Variants in ERBB4 observed in about 807,000 individuals in gnomAD.
The protein encoded by ERBB4 is erb-b2 receptor tyrosine kinase 4, also known as receptor tyrosine-protein kinase erbB-4.
ERBB4 carries 42 observed loss-of-function variants against 158.0 expected under a neutral mutation model. The ratio of observed to expected loss-of-function variants is 0.27; its 90% CI spans 0.21 to 0.34. The LOEUF is 0.34. Among genes scored for constraint, ERBB4 ranks in the 10% least tolerant of loss-of-function variants. The pLI, the probability that ERBB4 is intolerant of heterozygous loss-of-function variation, is 1.00. For synonymous variants in ERBB4, 583 were observed against 558.7 expected, an observed-to-expected ratio of 1.04 and a Z score of -0.61; for missense variants, 1,333 against 1,624.1, an observed-to-expected ratio of 0.82 and a Z score of 3.08.
Position 212,473,835 on chromosome 2 carries a change from T to C in ERBB4, c.82+64614A>G, listed in dbSNP as rs147222508. On this transcript the variant is annotated intron_variant, in intron 1 of 27. Transcript: ENST00000342788. ...ATGGTAAAGTTTTGAATTAACCAAA[T>C]AGCATCCATCAAAATCTATGCAGAG... 1.2e-4 allele frequency among the ~76,000 whole-genome samples: 19 copies of C among 152,218 alleles called. No homozygotes were observed. In the South Asian group the frequency reaches 3.9e-3, roughly 32 times the overall value.
chr2:211,601,249 GA>G (rs150456989), intron 19 of ERBB4, among the ~76,000 whole-genome samples: 1 of 151,486 alleles, frequency 6.6e-6, no homozygotes, highest in Non-Finnish European at 1.5e-5. Context: ...CTCAGAAAAA[GA>G]AAAAACATAC....
chr2:212,458,159 A>G (rs183345936), intron 1 of ERBB4, among the ~76,000 whole-genome samples: 1 of 152,290 alleles, frequency 6.6e-6, no homozygotes, highest in East Asian at 1.9e-4. Flanking sequence ...AGCATGTAAA[A>G]ACAAAGCAGA....
At chr2:211,523,147 A>G (rs1364155505) in intron 20 of ERBB4, among the ~76,000 whole-genome samples, 1 of 144,878 alleles carries the variant, frequency 6.9e-6, no homozygotes, top group Non-Finnish European at 1.5e-5. Flanking sequence ...AGGAACACCA[A>G]ATTCAACAAC....
intron 1 of ERBB4, among the ~76,000 whole-genome samples, chr2:212,466,163 A>G (rs754078637): frequency 1.8e-4 from 27 of 152,216 alleles, no homozygotes; most frequent in Admixed American, 6.6e-5. Context: ...TTCCAACAGT[A>G]GTGACTTTTG....
intron 1 of ERBB4, among the ~76,000 whole-genome samples, chr2:212,337,835 C>T (rs1033320497): frequency 5.3e-5 from 8 of 151,944 alleles, no homozygotes; most frequent in African/African-American, 1.4e-4. Context: ...TGCTCCTAAT[C>T]TACAATTGCT....
chr2:212,446,666 CCTGA>C (rs1408166312), intron 1 of ERBB4, among the ~76,000 whole-genome samples: 2 of 104,424 alleles, frequency 1.9e-5, no homozygotes, highest in East Asian at 3.1e-4. Flanking sequence ...TCTAGAGAAC[CCTGA>C]CTAATACACC....
intron 1 of ERBB4, among the ~76,000 whole-genome samples, chr2:212,459,828 A>C (rs540323188): frequency 6.6e-6 from 1 of 152,328 alleles, no homozygotes; most frequent in African/African-American, 2.4e-5. Context: ...GCACCAGAAC[A>C]TCCATGTGAG....
chr2:212,348,741 C>T (rs1204246137), intron 1 of ERBB4, among the ~76,000 whole-genome samples: 1 of 152,112 alleles, frequency 6.6e-6, no homozygotes, highest in Non-Finnish European at 1.5e-5. Flanking sequence ...TCAGTGTGCA[C>T]AGTCTGCCAT....
intron 4 of ERBB4, among the ~76,000 whole-genome samples, chr2:211,764,868 A>AC (rs1468114634): frequency 5.9e-5 from 9 of 152,314 alleles, no homozygotes; most frequent in East Asian, 3.9e-4. Context: ...TTTTAGGAGG[A>AC]CAGGAATCCA....
At position 211,381,706 on chromosome 2, in the gene ERBB4, A is replaced by G. The variant is rs1247088614; in HGVS notation, c.*1909T>C. ...GATGGATTTACTTGTTCAGAATAGG[A>G]AGAAACACAAATTTCTTTGGATTTT... On this transcript the variant is annotated 3_prime_UTR_variant, in exon 28 of 28. Transcript: ENST00000342788. The G allele has an allele frequency of 8.6e-6, 2 of 231,734 alleles. No individual in the cohort carries two copies. The highest frequency in any genetic ancestry group is 2.2e-5 in the African/African-American group (1 of 45,406). The allele number at this position is 231,734 out of a possible 1,614,324, so 14.4% of individuals were successfully genotyped here.
At chr2:212,478,623 C>G (rs1689527733) in intron 1 of ERBB4, among the ~76,000 whole-genome samples, 1 of 152,010 alleles carries the variant, frequency 6.6e-6, no homozygotes, top group African/African-American at 2.4e-5. Context: ...CCTGAAAGTT[C>G]CAGGTCCCTG....
intron 19 of ERBB4, among the ~76,000 whole-genome samples, chr2:211,583,600 TA>T (rs1559320815): frequency 2.6e-5 from 4 of 151,692 alleles, no homozygotes; most frequent in South Asian, 4.2e-4. Context: ...ATATACCTAT[TA>T]AAAAAATTTA....
chr2:211,645,031 C>T (rs1488581754), intron 16 of ERBB4, among the ~76,000 whole-genome samples: 1 of 151,626 alleles, frequency 6.6e-6, no homozygotes, highest in African/African-American at 2.4e-5. Flanking sequence ...CACCCTCTGG[C>T]ACTGAGTTAG....
intron 7 of ERBB4, among the ~76,000 whole-genome samples, chr2:211,717,127 C>G (rs2073944351): frequency 6.6e-6 from 1 of 152,126 alleles, no homozygotes; most frequent in African/African-American, 2.4e-5. Context: ...AAAAAAACTC[C>G]AAGAAAGCAT....
chr2:211,563,273 AT>A (rs144884618), intron 19 of ERBB4, among the ~76,000 whole-genome samples: 14,460 of 152,254 alleles, frequency 0.095, 875 homozygotes, highest in Non-Finnish European at 0.14. Context: ...CTTTTATATT[AT>A]GAAAGCCAAT....
At chr2:211,728,232 C>A (rs1047886558) in intron 5 of ERBB4, among the ~76,000 whole-genome samples, 7 of 151,602 alleles carry the variant, frequency 4.6e-5, no homozygotes, top group Non-Finnish European at 1.0e-4. Context: ...GCATCAATTA[C>A]CATCTAACAT....
intron 17 of ERBB4, among the ~76,000 whole-genome samples, chr2:211,628,955 G>T (rs1026487691): frequency 6.6e-6 from 1 of 152,184 alleles, no homozygotes; most frequent in African/African-American, 2.4e-5. Context: ...TCTTTTGGCT[G>T]CATGAATGTC....
chr2:211,808,514 T>A (rs2076672757), intron 3 of ERBB4, among the ~76,000 whole-genome samples: 1 of 152,228 alleles, frequency 6.6e-6, no homozygotes, highest in African/African-American at 2.4e-5. Context: ...AGTACAATGC[T>A]GTTTTGGTTA....
chr2:211,590,735 T>C (rs1220907840), intron 19 of ERBB4, among the ~76,000 whole-genome samples: 1 of 152,180 alleles, frequency 6.6e-6, no homozygotes, highest in Non-Finnish European at 1.5e-5. Context: ...CGTTAATTAC[T>C]CTTTTGTCTA....
Sources: allele counts gnomAD v4.1 joint callset (sites outside exome capture counted in the v4.1 genomes callset), GRCh38; gene constraint gnomAD v4.1.1; transcripts MANE v1.5; gene names NCBI Gene and HGNC (gene_info 2026-07-23, HGNC 2026-07-21).